The following CRYZ variants were observed in gnomAD, a reference collection of about 807,000 sequenced individuals.
The protein encoded by CRYZ is crystallin zeta, also known as zeta-crystallin.
CRYZ carries 35 observed loss-of-function variants against 34.1 expected under a neutral mutation model. The observed-to-expected ratio is 1.03, with a 90% confidence interval of 0.78 to 1.36. CRYZ has a LOEUF of 1.36. CRYZ is among the 40% of genes most tolerant of loss of function. The pLI is 0.00. For missense variants in CRYZ, 403 were observed against 391.8 expected (o/e 1.03, Z -0.24); for synonymous variants, 137 against 136.5 (o/e 1.00, Z -0.03).
At chr1:74,709,451 T>G (rs1191082629) in intron 6 of CRYZ, among the ~76,000 whole-genome samples, 1 of 152,190 alleles carries the variant, frequency 6.6e-6, no homozygotes, top group Admixed American at 6.5e-5. Flanking sequence ...TTTCCTTCAT[T>G]TGTAATGATC....
At chr1:74,709,802 A>G (rs1459206990) in intron 6 of CRYZ, among the ~76,000 whole-genome samples, 1 of 152,222 alleles carries the variant, frequency 6.6e-6, no homozygotes, top group East Asian at 1.9e-4. Flanking sequence ...GCAAATACAA[A>G]GCTGCAGCTT....
At chr1:74,706,601 A>G (rs1234020874) in intron 8 of CRYZ, 144 bp from the exon 9 acceptor site, 3 of 782,100 alleles carry the variant, frequency 3.8e-6, no homozygotes, top group Non-Finnish European at 6.0e-6. Context: ...GTCCAGAACT[A>G]TAGAAAAAGT....
chr1:74,716,923 G>A (rs150410465), intron 4 of CRYZ, among the ~76,000 whole-genome samples: 1 of 152,214 alleles, frequency 6.6e-6, no homozygotes, highest in Non-Finnish European at 1.5e-5. Flanking sequence ...AAATGGCTAA[G>A]TATTACAGAA....
Position 74,732,981 on chromosome 1 carries a change from C to T in CRYZ, c.-39G>A, listed in dbSNP as rs1647932763. On this transcript the variant is annotated 5_prime_UTR_variant, in exon 1 of 9. Coordinates refer to ENST00000340866, the MANE Select transcript of CRYZ (RefSeq NM_001889.4). ...CAGAATCTAGAGTGGGAATTAAAAT[C>T]TGCGTGGGCTTCTTCAGATTCCACA... 1 of 477,806 alleles carries T rather than the reference C, an allele frequency of 2.1e-6. No individual in the cohort carries two copies. Among genetic ancestry groups the T allele is most frequent in the Non-Finnish European group, 3.7e-6 (1 of 271,022 alleles). 29.6% of individuals were successfully genotyped at this position (477,806 alleles called of 1,614,324 possible).
intron 6 of CRYZ, 127 bp from the exon 7 acceptor site, chr1:74,707,331 T>C (rs1206660754): frequency 3.4e-6 from 2 of 592,518 alleles, no homozygotes; most frequent in Non-Finnish European, 5.9e-6. Flanking sequence ...TTGAGACTAA[T>C]AATGCAAAAT....
chr1:74,729,738 C>T (rs184042900), intron 1 of CRYZ, among the ~76,000 whole-genome samples: 107 of 151,466 alleles, frequency 7.1e-4, no homozygotes, highest in South Asian at 4.2e-3. Context: ...TTTAATATAA[C>T]GATATTTACA....
At chr1:74,720,577 A>C (rs1250014460) in intron 3 of CRYZ, among the ~76,000 whole-genome samples, 1 of 152,208 alleles carries the variant, frequency 6.6e-6, no homozygotes, top group African/African-American at 2.4e-5. Flanking sequence ...ATGATTGCTC[A>C]GTATACTTTA....
At chr1:74,725,274 A>G (rs1647275317) in intron 1 of CRYZ, among the ~76,000 whole-genome samples, 1 of 152,186 alleles carries the variant, frequency 6.6e-6, no homozygotes, top group African/African-American at 2.4e-5. Flanking sequence ...ATGAAGAAAT[A>G]CTGGTGACTG....
chr1:74,722,437 G>A (rs1427711158), intron 3 of CRYZ, among the ~76,000 whole-genome samples: 1 of 152,024 alleles, frequency 6.6e-6, no homozygotes, highest in East Asian at 1.9e-4. Context: ...GCTGAGGGGT[G>A]GAAAGCTGTA....
chr1:74,725,487 C>T (rs1372325448), intron 1 of CRYZ, among the ~76,000 whole-genome samples: 1 of 152,142 alleles, frequency 6.6e-6, no homozygotes, highest in Non-Finnish European at 1.5e-5. Flanking sequence ...AGCATGGGAA[C>T]TCCCTTCCCC....
In CRYZ at chr1:74,706,889, C is replaced by CTTT; in HGVS notation, c.828+7_828+9dup. On this transcript the variant is annotated intron_variant, in intron 8 of 8. Transcript: ENST00000340866. ...TAAGTTACCAAAATCAGAAGTACTTCTTTTCCTACCTTGGTTGAGGAAAAG... is the reference window on the plus strand; with the variant it reads ...TAAGTTACCAAAATCAGAAGTACTTCTTTTTTTCCTACCTTGGTTGAGGAAAAG... The CTTT allele has an allele frequency of 6.2e-7, 1 of 1,609,352 alleles. No homozygotes were observed. Among genetic ancestry groups the CTTT allele is most frequent in the South Asian group, 1.1e-5 (1 of 90,864 alleles).
chr1:74,729,352 C>T (rs1250297993), intron 1 of CRYZ, among the ~76,000 whole-genome samples: 3 of 151,236 alleles, frequency 2.0e-5, no homozygotes, highest in Non-Finnish European at 4.4e-5. Context: ...AACACATGAT[C>T]TTGTATATAG....
At chr1:74,732,390 TC>T (rs1331399096) in intron 1 of CRYZ, among the ~76,000 whole-genome samples, 2 of 65,610 alleles carry the variant, frequency 3.0e-5, no homozygotes, top group Non-Finnish European at 6.0e-5. Flanking sequence ...AGAAATCAAA[TC>T]CCTACAGCTG....
At chr1:74,730,675 A>C (rs1122338) in intron 1 of CRYZ, among the ~76,000 whole-genome samples, 2 of 152,080 alleles carry the variant, frequency 1.3e-5, no homozygotes, top group Non-Finnish European at 2.9e-5. Context: ...AGGGTCACAC[A>C]GAAGCAAAGC....
At chr1:74,707,072 TAA>T (rs10601033) in intron 7 of CRYZ, 29 bp downstream of exon 7, 455,920 of 1,365,668 alleles carry the variant, frequency 0.33, 34,318 homozygotes, top group Non-Finnish European at 0.36. Context: ...ATTAAAGTGG[TAA>T]AAAAAAAAAA....
At chr1:74,719,431 G>A in intron 3 of CRYZ, 59 bp from the exon 4 acceptor site, 1 of 1,460,648 alleles carries the variant, frequency 6.8e-7, no homozygotes, top group Non-Finnish European at 9.4e-7. Context: ...GTCAAAATAG[G>A]TATAATCCTT....
chr1:74,732,956 C>G lies in CRYZ; in HGVS notation c.-14G>C, dbSNP rs1265737512. 2.3e-6 allele frequency: 1 copy of G among 427,678 alleles called. No individual in the cohort carries two copies. The highest frequency in any genetic ancestry group is 2.0e-5 in the African/African-American group (1 of 49,194). The allele number at this position is 427,678 out of a possible 1,614,324, so 26.5% of individuals were successfully genotyped here. A position where few individuals can be genotyped will look rare whatever the true frequency, so the allele number is the denominator to read the frequency against. On this transcript the variant is annotated splice_region_variant and 5_prime_UTR_variant, in exon 1 of 9. Transcript: ENST00000340866. ...AAGGAGAGTTTTTAAAACCACTTACCAGAATCTAGAGTGGGAATTAAAATC... is the reference window on the plus strand; with the variant it reads ...AAGGAGAGTTTTTAAAACCACTTACGAGAATCTAGAGTGGGAATTAAAATC...
At chr1:74,729,640 C>G (rs1033497017) in intron 1 of CRYZ, among the ~76,000 whole-genome samples, 1 of 140,286 alleles carries the variant, frequency 7.1e-6, no homozygotes, top group Non-Finnish European at 1.5e-5. Flanking sequence ...GAGTGAGACC[C>G]TGTCTCAAAA....
chr1:74,711,711 C>A (rs1380969778), intron 5 of CRYZ, among the ~76,000 whole-genome samples: 1 of 151,996 alleles, frequency 6.6e-6, no homozygotes, highest in East Asian at 1.9e-4. Flanking sequence ...AGTGATCATG[C>A]CACTGCACTC....
Sources: gnomAD v4.1 joint callset for allele counts (sites outside exome capture counted in the v4.1 genomes callset) on GRCh38, gnomAD v4.1.1 for gene constraint, MANE v1.5 for transcripts, NCBI Gene and HGNC (gene_info 2026-07-23, HGNC 2026-07-21) for gene names.